Variants in VWF observed in about 807,000 individuals in gnomAD.
VWF encodes the protein Factor VIII related antigen.
A neutral mutation model predicts 308.6 loss-of-function variants in VWF; 176 were observed. The ratio of observed to expected loss-of-function variants is 0.57; its 90% CI spans 0.50 to 0.65. The LOEUF is 0.65. VWF is among the 30% of genes least tolerant of loss of function. The pLI is 0.00. For missense variants in VWF, 3,146 were observed against 3,648.2 expected, an observed-to-expected ratio of 0.86 and a Z score of 3.55; for synonymous variants, 1,385 against 1,443.4, an observed-to-expected ratio of 0.96 and a Z score of 0.92.
At chr12:5,974,361 C>T (rs559934979) in intron 43 of VWF, among the ~76,000 whole-genome samples, 4 of 152,274 alleles carry the variant, frequency 2.6e-5, no homozygotes, top group Non-Finnish European at 5.9e-5. Context: ...TTCCCTAGAG[C>T]AATCACACGG....
At chr12:6,051,655 G>T (rs1425063981) in intron 16 of VWF, among the ~76,000 whole-genome samples, 2 of 152,176 alleles carry the variant, frequency 1.3e-5, no homozygotes, top group Non-Finnish European at 2.9e-5. Context: ...TGTCGCCCGG[G>T]CTAGAATGCA....
At chr12:6,071,376 G>A (rs368820598) in intron 9 of VWF, 33 bp from the exon 10 acceptor site, 4 of 1,613,474 alleles carry the variant, frequency 2.5e-6, no homozygotes, top group East Asian at 2.2e-5. Flanking sequence ...GTCATTGGTG[G>A]TTCTGCAAAC....
intron 39 of VWF, 138 bp downstream of exon 39, chr12:5,985,425 G>A: frequency 1.0e-6 from 1 of 994,130 alleles, no homozygotes; most frequent in Non-Finnish European, 1.5e-6. Flanking sequence ...TGCAGGCTGG[G>A]CAAGGAAGCC....
chr12:6,099,172 T>C (rs1338636550), intron 5 of VWF, among the ~76,000 whole-genome samples: 4 of 151,772 alleles, frequency 2.6e-5, no homozygotes, highest in African/African-American at 7.3e-5. Flanking sequence ...CTACAAAAAT[T>C]AGCCAGGCGT....
At chr12:6,122,189 G>A (rs1298749430) in intron 2 of VWF, among the ~76,000 whole-genome samples, 1 of 152,172 alleles carries the variant, frequency 6.6e-6, no homozygotes, top group Non-Finnish European at 1.5e-5. Context: ...GTTTTTAGTG[G>A]CTGCATTATA....
chr12:6,041,177 C>T (rs910703292), intron 18 of VWF, among the ~76,000 whole-genome samples: 1 of 152,036 alleles, frequency 6.6e-6, no homozygotes, highest in African/African-American at 2.4e-5. Flanking sequence ...CACCTGTAAT[C>T]CCAGCACTTT....
At position 6,052,749 on chromosome 12, in the gene VWF, C is replaced by T. The variant is rs1944531997; in HGVS notation, c.1980G>A (p.Gln660=). The change falls in exon 16 of 52, where the codon CAG becomes CAA. Residue 660 remains glutamine (Q), a synonymous_variant. Transcript: ENST00000261405. ...LNCPKGQVYL[Q]CGTPCNLTCR... is the part of the protein sequence containing the mutation. The stretch of plus-strand genomic sequence containing the variant: ...AGGTCAGGTTGCAGGGGGTCCCGCA[C>T]TGCAGGTACACCTGGCCTTTCGGGC... 6 of 1,613,806 alleles carry T rather than the reference C, an allele frequency of 3.7e-6. No homozygotes were observed. The highest frequency in any genetic ancestry group is 1.3e-5 in the African/African-American group (1 of 74,884).
At chr12:6,071,137 T>A (rs921114855) in intron 10 of VWF, among the ~76,000 whole-genome samples, 160 bp downstream of exon 10, 4 of 152,204 alleles carry the variant, frequency 2.6e-5, no homozygotes, top group African/African-American at 9.7e-5. Flanking sequence ...GCATAGCTGG[T>A]ACCTGAAACC....
At chr12:5,992,094 G>A (rs1427692068) in intron 37 of VWF, 76 bp from the exon 38 acceptor site, 3 of 1,402,952 alleles carry the variant, frequency 2.1e-6, no homozygotes, top group African/African-American at 1.4e-5. Context: ...ATTCAACATG[G>A]TTAATCATCA....
intron 47 of VWF, among the ~76,000 whole-genome samples, chr12:5,961,564 G>C (rs1431583333): frequency 2.8e-5 from 3 of 108,404 alleles, no homozygotes; most frequent in Non-Finnish European, 5.7e-5. Flanking sequence ...TGCTTATGAA[G>C]AAAATCCTTA....
rs1485837116 is a variant in VWF, at chr12:6,075,663, C to T, written c.658-112G>A. 4 of 1,156,952 alleles carry T rather than the reference C, an allele frequency of 3.5e-6. No individual in the cohort carries two copies. Among genetic ancestry groups the T allele is most frequent in the South Asian group, 2.6e-5 (2 of 75,664 alleles). The allele number at this position is 1,156,952 out of a possible 1,614,324, so 71.7% of individuals were successfully genotyped here. ...AAGGCAGCTCCCTCAGCACCTGGGA[C>T]AGGCTGGCACCAAGCACATGCATGT... On this transcript the variant is annotated intron_variant, in intron 6 of 51. Coordinates refer to ENST00000261405, the MANE Select transcript of VWF (RefSeq NM_000552.5). The surrounding 1 kb of genome is among the most constrained non-coding windows in gnomAD (Gnocchi z 4.7).
chr12:6,008,464 T>C lies in VWF; in HGVS notation c.5842+3153A>G, dbSNP rs554450191. 1.3e-4 allele frequency among the ~76,000 whole-genome samples: 20 copies of C among 152,230 alleles called. No individual in the cohort carries two copies. The South Asian group carries it at 3.7e-3, about 28-fold the overall frequency. On this transcript the variant is annotated intron_variant, in intron 34 of 51. Transcript: ENST00000261405. ...ATACAGATAAAGCATTTGTCATAAT[T>C]CAAACACCATTTCATGATTAAAACA...
chr12:5,981,580 C>A (rs370153057), intron 42 of VWF, among the ~76,000 whole-genome samples: 4 of 152,112 alleles, frequency 2.6e-5, no homozygotes, highest in African/African-American at 7.2e-5. Context: ...GCTGACTGCC[C>A]CCCAACCAAG....
chr12:6,061,808 T>C lies in VWF; in HGVS notation c.1533+1146A>G, dbSNP rs1421536296. 2.0e-5 allele frequency among the ~76,000 whole-genome samples: 3 copies of C among 152,230 alleles called. No homozygotes were observed. In the East Asian group the frequency reaches 5.8e-4, roughly 29 times the overall value. On this transcript the variant is annotated intron_variant, in intron 13 of 51. Transcript: ENST00000261405. ...ACGCTATTTGCCTTTTCCCTCCTCATTCTCTTACAAGTATAGAGTGGAATT... is the reference window on the plus strand; with the variant it reads ...ACGCTATTTGCCTTTTCCCTCCTCACTCTCTTACAAGTATAGAGTGGAATT...
At chr12:6,095,122 G>C (rs1243829264) in intron 6 of VWF, among the ~76,000 whole-genome samples, 1 of 152,050 alleles carries the variant, frequency 6.6e-6, no homozygotes, top group East Asian at 1.9e-4. Context: ...GAAGGTCCTT[G>C]CAAGACACTG....
chr12:5,968,453 T>G (rs1943431315), intron 45 of VWF, among the ~76,000 whole-genome samples: 1 of 152,176 alleles, frequency 6.6e-6, no homozygotes, highest in Non-Finnish European at 1.5e-5. Context: ...AATGGGAGGA[T>G]GTTTGGGTTT....
rs61750606 is a variant in VWF, at chr12:6,016,209, G to A, written c.5335C>T (p.Arg1779Ter). The A allele has an allele frequency of 9.3e-6, 15 of 1,614,008 alleles. No individual in the cohort carries two copies. Among genetic ancestry groups the A allele is most frequent in the Admixed American group, 3.3e-5 (2 of 60,004 alleles). ...CCATGCATTTCTGAAGTCAAGTATC[G>A]CACAGCAAAGCCCAAGGCATCCCCT... ...QIGDALGFAVRYLTSEMHGAR... is the reference protein window; with the variant it reads ...QIGDALGFAV The change falls in exon 31 of 52, where the codon CGA becomes TGA. Residue 1779 changes from arginine (R) to a stop codon, truncating the protein, a stop_gained. Coordinates refer to ENST00000261405, the MANE Select transcript of VWF (RefSeq NM_000552.5). LOFTEE classifies it high-confidence loss of function.
At chr12:6,011,959 C>G (rs55804572) in intron 33 of VWF, 128 bp downstream of exon 33, 5 of 1,359,866 alleles carry the variant, frequency 3.7e-6, no homozygotes, top group African/African-American at 2.9e-5. Context: ...CAGATGGACC[C>G]GCAAAAACAA....
intron 38 of VWF, among the ~76,000 whole-genome samples, chr12:5,991,203 ACACG>A (rs57781017): frequency 0.11 from 14,223 of 131,974 alleles, 936 homozygotes; most frequent in East Asian, 0.31. Flanking sequence ...ACACACACAC[ACACG>A]CATGCACACA....
Sources: gnomAD v4.1 joint callset for allele counts (sites outside exome capture counted in the v4.1 genomes callset) on GRCh38, gnomAD v4.1.1 for gene constraint, Gnocchi (gnomAD v3.1) non-coding constraint, MANE v1.5 for transcripts, NCBI Gene and HGNC (gene_info 2026-07-23, HGNC 2026-07-21) for gene names.